Variants in MARK2 observed in about 807,000 individuals in gnomAD.
The protein encoded by MARK2 is serine/threonine-protein kinase MARK2.
In MARK2, 16 loss-of-function variants were observed where a neutral mutation model predicts 89.8. That is an observed-to-expected ratio of 0.18 (90% confidence interval 0.12 to 0.27). The LOEUF (loss-of-function observed/expected upper bound fraction) is 0.27, where lower values mean the gene tolerates loss of function less well. Ranked by LOEUF, MARK2 falls within the 10% of genes least tolerant of loss-of-function variation. The pLI is 1.00. For missense variants in MARK2, 621 were observed against 1,049.9 expected (o/e 0.59, Z 5.65); for synonymous variants, 382 against 399.5 (o/e 0.96, Z 0.52).
rs1307856154 is a variant in MARK2 at position 63,903,727 on chromosome 11, G to A, written c.1515-259G>A. Among the ~76,000 whole-genome samples, 2 of 152,238 alleles carry A rather than the reference G, an allele frequency of 1.3e-5. No homozygotes were observed. The highest frequency in any genetic ancestry group is 3.9e-4 in the East Asian group (2 of 5,168). On this transcript the variant is annotated intron_variant, in intron 14 of 18. Transcript: ENST00000402010. The surrounding 1 kb of genome is among the most constrained non-coding windows in gnomAD (Gnocchi z 5.1). The stretch of plus-strand genomic sequence containing the variant: ...GAGGCCAGTGCAGCCTGGAGGCAGC[G>A]GCCCCTTGTCTGCTCTCCTTCATTT...
chr11:63,862,813 C>A (rs1448732812), intron 1 of MARK2, among the ~76,000 whole-genome samples: 1 of 151,910 alleles, frequency 6.6e-6, no homozygotes, highest in Non-Finnish European at 1.5e-5. Context: ...TTTGTGGCAC[C>A]CATGAAATGT....
At chr11:63,865,793 CAGAT>C (rs778222664) in intron 1 of MARK2, among the ~76,000 whole-genome samples, 41 of 152,142 alleles carry the variant, frequency 2.7e-4, no homozygotes, top group Non-Finnish European at 3.2e-4. Context: ...TTCAAGTAAA[CAGAT>C]AGATTTGGGC....
chr11:63,846,379 G>A (rs899545259), intron 1 of MARK2, among the ~76,000 whole-genome samples: 14 of 151,612 alleles, frequency 9.2e-5, no homozygotes, highest in African/African-American at 3.4e-4. Flanking sequence ...TTTTTGAGAC[G>A]GAGTCTTGCT....
intron 1 of MARK2, among the ~76,000 whole-genome samples, chr11:63,857,272 T>G (rs1271320219): frequency 6.6e-6 from 1 of 152,228 alleles, no homozygotes; most frequent in African/African-American, 2.4e-5. Context: ...GTTCAAGCAG[T>G]TCTCCTGCCT....
intron 1 of MARK2, among the ~76,000 whole-genome samples, chr11:63,856,281 C>G (rs12273920): frequency 3.8e-4 from 50 of 132,646 alleles, no homozygotes; most frequent in Non-Finnish European, 6.0e-4. Context: ...TTTCCTCCTT[C>G]TGATACATAC....
At chr11:63,872,441 G>A (rs753968862) in intron 1 of MARK2, among the ~76,000 whole-genome samples, 13 of 152,220 alleles carry the variant, frequency 8.5e-5, no homozygotes, top group Non-Finnish European at 1.8e-4. Context: ...AGGTTAGAAT[G>A]TGATTATCCT....
intron 1 of MARK2, among the ~76,000 whole-genome samples, chr11:63,885,560 C>T (rs1355647264): frequency 1.4e-5 from 2 of 144,782 alleles, no homozygotes; most frequent in African/African-American, 5.2e-5. Flanking sequence ...AGAGGCTGGG[C>T]GTAGTGGCCC....
At chr11:63,899,233 TTTTC>T (rs536426137) in intron 7 of MARK2, 125 bp downstream of exon 7, 91 of 681,328 alleles carry the variant, frequency 1.3e-4, no homozygotes, top group Non-Finnish European at 2.0e-4. Context: ...GCCTTTCTTT[TTTTC>T]TTTCTTTCTT....
At chr11:63,858,122 G>A (rs900270468) in intron 1 of MARK2, among the ~76,000 whole-genome samples, 2 of 152,112 alleles carry the variant, frequency 1.3e-5, no homozygotes, top group Non-Finnish European at 2.9e-5. Flanking sequence ...TGCCTCCTGG[G>A]ATCAAGCGAT....
intron 4 of MARK2, 142 bp downstream of exon 4, chr11:63,898,422 A>G: frequency 4.1e-6 from 4 of 971,456 alleles, no homozygotes; most frequent in Non-Finnish European, 6.5e-6. Context: ...CTCAAAATCC[A>G]TCTCCCCTTC....
chr11:63,895,026 C>A, intron 1 of MARK2, 133 bp from the exon 2 acceptor site: 1 of 651,216 alleles, frequency 1.5e-6, no homozygotes, highest in Non-Finnish European at 2.7e-6. Flanking sequence ...TCTTCTGCTG[C>A]CATATCATTC....
intron 18 of MARK2, 95 bp downstream of exon 18, chr11:63,908,399 C>A: frequency 9.3e-7 from 1 of 1,072,944 alleles, no homozygotes. Flanking sequence ...GGCTCTTCCT[C>A]CCGTGGTTCT....
chr11:63,901,422 G>GGTGTGTGTGTGTGT (rs147425490), intron 11 of MARK2, among the ~76,000 whole-genome samples: 46,572 of 139,376 alleles, frequency 0.33, 8,608 homozygotes, highest in East Asian at 0.74. Flanking sequence ...TACATTTCTG[G>GGTGTGTGTGTGTGT]GTGTGTGTGT....
chr11:63,873,650 T>C (rs1938579231), intron 1 of MARK2, among the ~76,000 whole-genome samples: 1 of 152,144 alleles, frequency 6.6e-6, no homozygotes, highest in African/African-American at 2.4e-5. Context: ...GTTTATTTTA[T>C]TTTATTTTTT....
chr11:63,848,953 C>T (rs994302552), intron 1 of MARK2, among the ~76,000 whole-genome samples: 1 of 152,012 alleles, frequency 6.6e-6, no homozygotes, highest in African/African-American at 2.4e-5. Flanking sequence ...GTGATCCGCC[C>T]GCCTCGGCTT....
At chr11:63,886,447 C>T (rs1448560264) in intron 1 of MARK2, among the ~76,000 whole-genome samples, 1 of 146,028 alleles carries the variant, frequency 6.8e-6, no homozygotes, top group African/African-American at 2.5e-5. Context: ...TTTTTTGAGA[C>T]AGAGTCTCAC....
rs753776810 is a variant in MARK2, at chr11:63,900,902, G to A, written c.988+23G>A. The stretch of plus-strand genomic sequence containing the variant: ...CAGGTGAGGCTGTGCCGGGCTGTGA[G>A]GTTAAGCTTGCCTAGGAGTTGAGGC... On this transcript the variant is annotated intron_variant, in intron 10 of 18. Transcript: ENST00000402010. This position sits in a 1 kb window ranked among gnomAD's most constrained non-coding sequence, Gnocchi z 4.7. 8.7e-6 allele frequency: 14 copies of A among 1,613,208 alleles called. No individual in the cohort carries two copies. The highest frequency in any genetic ancestry group is 1.2e-5 in the Non-Finnish European group (14 of 1,179,230).
intron 1 of MARK2, among the ~76,000 whole-genome samples, chr11:63,844,589 G>T (rs1490571041): frequency 2.0e-5 from 3 of 152,242 alleles, no homozygotes; most frequent in African/African-American, 7.2e-5. Flanking sequence ...TTAAAATAAA[G>T]TTTGCACAAG....
At chr11:63,894,648 A>C (rs1161838491) in intron 1 of MARK2, among the ~76,000 whole-genome samples, 1 of 152,218 alleles carries the variant, frequency 6.6e-6, no homozygotes, top group Non-Finnish European at 1.5e-5. Flanking sequence ...GTGAGCTGAG[A>C]TCGCACCATT....
Sources: gnomAD v4.1 joint callset for allele counts (sites outside exome capture counted in the v4.1 genomes callset) on GRCh38, gnomAD v4.1.1 for gene constraint, Gnocchi (gnomAD v3.1) non-coding constraint, MANE v1.5 for transcripts, NCBI Gene and HGNC (gene_info 2026-07-23, HGNC 2026-07-21) for gene names.